HTR2C: variants seen among roughly 807,000 people sequenced by gnomAD.
HTR2C encodes 5-hydroxytryptamine (serotonin) receptor 2C, G protein-coupled.
Under a neutral mutation model 21.0 loss-of-function variants are expected in HTR2C, and 5 were observed. That is an observed-to-expected ratio of 0.24 (90% CI 0.12 to 0.50). The LOEUF is 0.50. HTR2C is among the 20% of genes least tolerant of loss of function. The pLI is 0.98. For synonymous variants in HTR2C, 150 were observed against 145.3 expected, an observed-to-expected ratio of 1.03 and a Z score of -0.23; for missense variants, 271 against 371.2, an observed-to-expected ratio of 0.73 and a Z score of 2.22.
chrX:114,740,411 C>T (rs1407404364), intron 4 of HTR2C, among the ~76,000 whole-genome samples: 2 of 110,015 alleles, frequency 1.8e-5, no homozygotes, highest in African/African-American at 6.6e-5. Flanking sequence ...TCTGACAACA[C>T]TGAAAAAAAC....
intron 5 of HTR2C, among the ~76,000 whole-genome samples, chrX:114,891,894 TG>T (rs1383385700): frequency 4.5e-5 from 5 of 111,279 alleles, no homozygotes; most frequent in Non-Finnish European, 9.4e-5. Context: ...TGATAAATGA[TG>T]TTTTAAATTC....
intron 2 of HTR2C, among the ~76,000 whole-genome samples, chrX:114,652,433 A>G (rs1458056143): frequency 9.0e-6 from 1 of 111,067 alleles, no homozygotes; most frequent in African/African-American, 3.3e-5. Context: ...AAGAAATGTT[A>G]TAAGTGGAAG....
At chrX:114,823,448 G>C (rs782600898) in intron 4 of HTR2C, 1 of 344,295 alleles carries the variant, frequency 2.9e-6, no homozygotes, top group East Asian at 9.3e-5. Context: ...GTTCATCTTC[G>C]CATGGGCCGG....
chrX:114,601,854 TA>T (rs1256890546), intron 1 of HTR2C, among the ~76,000 whole-genome samples: 1 of 95,289 alleles, frequency 1.0e-5, no homozygotes, highest in Non-Finnish European at 2.1e-5. Flanking sequence ...CAAGCAGGAT[TA>T]GGGGCGGCGT....
At chrX:114,691,075 C>T (rs1235349915) in intron 2 of HTR2C, among the ~76,000 whole-genome samples, 7 of 110,703 alleles carry the variant, frequency 6.3e-5, no homozygotes, top group Non-Finnish European at 1.3e-4. Context: ...ATAGAAGAAG[C>T]AATTGAAGGT....
rs1341360836 is a variant in HTR2C, at chrX:114,717,085, C to CT, written c.-79-9763dup. ...TCTAGTTGACTATATTCTACAATTT[C>CT]TTTTTTTTTTGAGACAGGGTCTGTT... On this transcript the variant is annotated intron_variant, in intron 2 of 5. Coordinates refer to ENST00000276198, the MANE Select transcript of HTR2C (RefSeq NM_000868.4). Among the ~76,000 whole-genome samples the CT allele has an allele frequency of 4.0e-3, 426 of 106,011 alleles. 2 individuals are homozygous for CT. Among genetic ancestry groups the CT allele is most frequent in the African/African-American group, 0.01 (303 of 29,315 alleles). The allele number at this position is 106,011 out of a possible 115,157, so 92.1% of individuals were successfully genotyped here. A position where few individuals can be genotyped will look rare whatever the true frequency, so the allele number is the denominator to read the frequency against.
chrX:114,767,265 T>C (rs2069955898), intron 4 of HTR2C, among the ~76,000 whole-genome samples: 1 of 110,901 alleles, frequency 9.0e-6, no homozygotes, highest in African/African-American at 3.3e-5. Flanking sequence ...AGTTCGTACT[T>C]AGAGTATACA....
chrX:114,759,489 T>A (rs2069844991), intron 4 of HTR2C, among the ~76,000 whole-genome samples: 1 of 112,226 alleles, frequency 8.9e-6, no homozygotes, highest in Admixed American at 9.5e-5. Context: ...ATTAAGGTTA[T>A]ATGTTTAAAA....
intron 4 of HTR2C, among the ~76,000 whole-genome samples, chrX:114,789,248 G>T (rs1476626754): frequency 8.9e-6 from 1 of 111,989 alleles, no homozygotes; most frequent in East Asian, 2.8e-4. Context: ...TGAGATTTTA[G>T]CTGTGCCACA....
chrX:114,726,371 G>A (rs918456025), intron 2 of HTR2C, among the ~76,000 whole-genome samples: 13 of 112,137 alleles, frequency 1.2e-4, no homozygotes, highest in East Asian at 5.7e-4. Flanking sequence ...GCCCTGCTTC[G>A]GCTCGCGCAC....
intron 1 of HTR2C, among the ~76,000 whole-genome samples, chrX:114,593,421 T>C (rs1165433243): frequency 2.7e-5 from 3 of 111,441 alleles, no homozygotes; most frequent in African/African-American, 9.8e-5. Context: ...TTTTATTACT[T>C]GGTTTTTAAC....
chrX:114,586,574 C>T (rs782202763), intron 1 of HTR2C, among the ~76,000 whole-genome samples: 39 of 110,911 alleles, frequency 3.5e-4, no homozygotes, highest in African/African-American at 1.3e-3. Flanking sequence ...GCAAAAATGA[C>T]GGTGTTTTTC....
intron 4 of HTR2C, among the ~76,000 whole-genome samples, chrX:114,768,790 A>G (rs782279238): frequency 5.4e-5 from 6 of 111,841 alleles, no homozygotes; most frequent in African/African-American, 1.9e-4. Context: ...TTGTTTACAC[A>G]TAATTTGTAA....
intron 3 of HTR2C, among the ~76,000 whole-genome samples, chrX:114,729,349 C>T (rs2069514206): frequency 8.9e-6 from 1 of 111,815 alleles, no homozygotes; most frequent in South Asian, 3.7e-4. Context: ...TTAATTTTCA[C>T]AACAACCATA....
intron 2 of HTR2C, among the ~76,000 whole-genome samples, chrX:114,646,359 C>A (rs1368176818): frequency 9.0e-6 from 1 of 111,482 alleles, no homozygotes; most frequent in African/African-American, 3.3e-5. Flanking sequence ...TATAAATTAA[C>A]CTTACAATTT....
At chrX:114,891,762 G>A (rs1159673994) in intron 5 of HTR2C, among the ~76,000 whole-genome samples, 1 of 110,459 alleles carries the variant, frequency 9.1e-6, no homozygotes, top group Non-Finnish European at 1.9e-5. Flanking sequence ...ATCCTTCAAT[G>A]TATCATAATT....
intron 2 of HTR2C, among the ~76,000 whole-genome samples, chrX:114,650,078 A>T (rs1238994043): frequency 8.9e-6 from 1 of 112,092 alleles, no homozygotes; most frequent in Non-Finnish European, 1.9e-5. Context: ...ATTTTGACAG[A>T]TCTGGAGAAT....
At chrX:114,779,999 A>C (rs79144513) in intron 4 of HTR2C, among the ~76,000 whole-genome samples, 1 of 111,436 alleles carries the variant, frequency 9.0e-6, no homozygotes, top group Admixed American at 9.6e-5. Context: ...AAAATATTTT[A>C]AAAACAACGA....
At chrX:114,761,928 T>C (rs868914374) in intron 4 of HTR2C, among the ~76,000 whole-genome samples, 276 of 106,457 alleles carry the variant, frequency 2.6e-3, no homozygotes, top group African/African-American at 9.6e-3. Flanking sequence ...CGTGTATATA[T>C]ACATATATGT....
Sources: allele counts gnomAD v4.1 joint callset (sites outside exome capture counted in the v4.1 genomes callset), GRCh38; gene constraint gnomAD v4.1.1; transcripts MANE v1.5; gene names NCBI Gene and HGNC (gene_info 2026-07-23, HGNC 2026-07-21).